Variants in OR8H2 observed in about 807,000 individuals in gnomAD.
OR8H2 encodes olfactory receptor 8H2.
For synonymous variants in OR8H2, 157 were observed against 139.2 expected (o/e 1.13, Z -0.90); for missense variants, 374 against 371.1 (o/e 1.01, Z -0.06).
Position 56,104,870 on chromosome 11 carries a change from A to C in OR8H2, c.-171-2A>C. 2.1e-6 allele frequency: 1 copy of C among 481,226 alleles called. No individual in the cohort carries two copies. The highest frequency in any genetic ancestry group is 3.6e-6 in the Non-Finnish European group (1 of 277,886). The allele number at this position is 481,226 out of a possible 1,614,324, so 29.8% of individuals were successfully genotyped here. On this transcript the variant is annotated splice_acceptor_variant, in intron 1 of 1. Transcript: ENST00000313503. LOFTEE classifies it low-confidence loss of function (5UTR_SPLICE). Reference sequence around the variant, plus strand: ...TTGTTTGTTTTTTGTTTTTTGAGTCAGAGTCTGGCACAGTCGCCAGGGCTG... The same window carrying C: ...TTGTTTGTTTTTTGTTTTTTGAGTCCGAGTCTGGCACAGTCGCCAGGGCTG...
Position 56,105,558 on chromosome 11 carries a change from C to T in OR8H2, c.516C>T (p.Asn172=), listed in dbSNP as rs763293702. The T allele has an allele frequency of 2.4e-5, 38 of 1,614,040 alleles. No homozygotes were observed. In the South Asian group the frequency reaches 4.2e-4, roughly 18 times the overall value. ...SMSRLHFYDS[N]VIHHFFCDTS... is the part of the protein sequence containing the mutation. ...GCAGATTGCATTTCTACGACTCAAA[C>T]GTAATTCATCACTTTTTCTGTGACA... The change falls in exon 2 of 2, where the codon AAC becomes AAT. Residue 172 remains asparagine (N), a synonymous_variant. Coordinates refer to ENST00000313503, the MANE Select transcript of OR8H2 (RefSeq NM_001386064.1).
Position 56,105,270 on chromosome 11 carries a change from T to G in OR8H2, c.228T>G (p.Thr76=). ...CATTTATTGACCTCAGTTACTCAAC[T>G]GTCGTCACACCTAAAACCTTAGCGA... The part of the protein sequence containing the change: ...HLSFIDLSYS[T]VVTPKTLANL... Residue 76 remains threonine (T), a synonymous_variant, in exon 2 of 2, where the codon ACT becomes ACG. Coordinates refer to ENST00000313503, the MANE Select transcript of OR8H2 (RefSeq NM_001386064.1). 6.2e-7 allele frequency: 1 copy of G among 1,614,250 alleles called. No homozygotes were observed. The highest frequency in any genetic ancestry group is 1.1e-5 in the South Asian group (1 of 91,088).
chr11:56,104,109 G>C (rs1381543630), intron 1 of OR8H2, 122 bp downstream of exon 1: 1 of 151,960 alleles, frequency 6.6e-6, no homozygotes, highest in Non-Finnish European at 1.5e-5. Flanking sequence ...TTTACCCTAA[G>C]TAATGTCAAG....
chr11:56,104,984 T>G lies in OR8H2; in HGVS notation c.-59T>G, dbSNP rs1375623198. The G allele has an allele frequency of 7.0e-7, 1 of 1,436,768 alleles. No homozygotes were observed. The highest frequency in any genetic ancestry group is 1.4e-5 in the African/African-American group (1 of 70,328). 89.0% of individuals were successfully genotyped at this position (1,436,768 alleles called of 1,614,324 possible). On this transcript the variant is annotated 5_prime_UTR_variant, in exon 2 of 2. Transcript: ENST00000313503. ...GCCTCAGCTTCTCCAGTAGCTGGGA[T>G]TACAGGCGCCCCTGCTACGTATCAG...
In OR8H2 at chr11:56,105,709, T is replaced by A. The variant is rs774831117; in HGVS notation, c.667T>A (p.Phe223Ile). 1.2e-6 allele frequency: 2 copies of A among 1,614,146 alleles called. No individual in the cohort carries two copies. Among genetic ancestry groups the A allele is most frequent in the Non-Finnish European group, 1.7e-6 (2 of 1,179,958 alleles). The change falls in exon 2 of 2, where the codon TTT (phenylalanine) becomes ATT (isoleucine). Residue 223 changes from phenylalanine to isoleucine, a missense_variant. Coordinates refer to ENST00000313503, the MANE Select transcript of OR8H2 (RefSeq NM_001386064.1). ...ATCTGCATCCTATGTGTTCATTCTCTTTACCATCCTGAAAATTAATTCCAC... is the reference window on the plus strand; with the variant it reads ...ATCTGCATCCTATGTGTTCATTCTCATTACCATCCTGAAAATTAATTCCAC... ...TISASYVFIL[F>I]TILKINSTSG...
In OR8H2 at chr11:56,105,409, T is replaced by C. The variant is rs780133182; in HGVS notation, c.367T>C (p.Tyr123His). The C allele has an allele frequency of 6.2e-7, 1 of 1,614,202 alleles. No individual in the cohort carries two copies. Reference sequence around the variant, plus strand: ...TCTCTCCTCAATGGCCCATGATCGCTATGCAGCGATCTGCAGTCCTCTACA... The same window carrying C: ...TCTCTCCTCAATGGCCCATGATCGCCATGCAGCGATCTGCAGTCCTCTACA... ...YLLSSMAHDR[Y>H]AAICSPLHYT... Residue 123 changes from tyrosine to histidine, a missense_variant, in exon 2 of 2, where the codon TAT (tyrosine) becomes CAT (histidine). Coordinates refer to ENST00000313503, the MANE Select transcript of OR8H2 (RefSeq NM_001386064.1).
In OR8H2 at chr11:56,105,960, G is replaced by T; in HGVS notation, c.918G>T (p.Gln306His). ...AAAATGCTGTCATCAGAGTCATGCAGAGAAGACAGGACTCCAGGTAATTAA... is the reference window on the plus strand; with the variant it reads ...AAAATGCTGTCATCAGAGTCATGCATAGAAGACAGGACTCCAGGTAATTAA... ...EVKNAVIRVM[Q>H]RRQDSR Residue 306 changes from glutamine to histidine, a missense_variant, in exon 2 of 2, where the codon CAG (glutamine) becomes CAT (histidine). By Grantham distance (24) the Gln-to-His change is conservative (BLOSUM62 0). Transcript: ENST00000313503. 6.4e-7 allele frequency: 1 copy of T among 1,573,412 alleles called. No individual in the cohort carries two copies.
At position 56,104,970 on chromosome 11, in the gene OR8H2, T is replaced by C. The variant is rs1046199793; in HGVS notation, c.-73T>C. 5.1e-5 allele frequency: 67 copies of C among 1,319,838 alleles called. No homozygotes were observed. Among genetic ancestry groups the C allele is most frequent in the Non-Finnish European group, 6.6e-5 (63 of 948,284 alleles). The allele number at this position is 1,319,838 out of a possible 1,614,324, so 81.8% of individuals were successfully genotyped here. On this transcript the variant is annotated 5_prime_UTR_variant, in exon 2 of 2. Coordinates refer to ENST00000313503, the MANE Select transcript of OR8H2 (RefSeq NM_001386064.1). ...CAAGCAATTCTCCTGCCTCAGCTTCTCCAGTAGCTGGGATTACAGGCGCCC... is the reference window on the plus strand; with the variant it reads ...CAAGCAATTCTCCTGCCTCAGCTTCCCCAGTAGCTGGGATTACAGGCGCCC...
chr11:56,104,036 A>G (rs1854014292), intron 1 of OR8H2, 49 bp downstream of exon 1: 1 of 152,122 alleles, frequency 6.6e-6, no homozygotes, highest in African/African-American at 2.4e-5. Context: ...ATTTTATTTC[A>G]GATGGAATAA....
chr11:56,105,912 T>A lies in OR8H2; in HGVS notation c.870T>A (p.Tyr290Ter). 1 of 1,609,270 alleles carries A rather than the reference T, an allele frequency of 6.2e-7. No individual in the cohort carries two copies. The highest frequency in any genetic ancestry group is 8.5e-7 in the Non-Finnish European group (1 of 1,177,724). ...IVIPVLNPLI[Y>*]SLRNKEVKNA... ...TTCCCGTGCTGAATCCACTCATTTA[T>A]AGTCTTAGAAACAAAGAGGTGAAAA... is the stretch of plus-strand genomic sequence containing the variant. The change falls in exon 2 of 2, where the codon TAT (tyrosine) becomes TAA (stop). Residue 290 changes from tyrosine to a stop codon, truncating the protein, a stop_gained. Transcript: ENST00000313503. LOFTEE classifies it low-confidence loss of function (END_TRUNC).
Position 56,105,282 on chromosome 11 carries a change from T to A in OR8H2, c.240T>A (p.Pro80=). 1.2e-6 allele frequency: 2 copies of A among 1,614,214 alleles called. No individual in the cohort carries two copies. The highest frequency in any genetic ancestry group is 2.2e-5 in the East Asian group (1 of 44,882). ...TCAGTTACTCAACTGTCGTCACACC[T>A]AAAACCTTAGCGAACTTACTGACTT... The part of the protein sequence containing the change: ...IDLSYSTVVT[P]KTLANLLTSN... The change falls in exon 2 of 2, where the codon CCT becomes CCA. Residue 80 remains proline, a synonymous_variant. Coordinates refer to ENST00000313503, the MANE Select transcript of OR8H2 (RefSeq NM_001386064.1).
rs61734406 is a variant in OR8H2 at position 56,105,504 on chromosome 11, A to G, written c.462A>G (p.Ile154Met). ...CTGGGCCTTATGTGATTGGCTTTAT[A>G]GACTCCTTTGTCAACGTGGTTTCCA... The part of the protein sequence containing the change: ...LITGPYVIGF[I>M]DSFVNVVSMS... Residue 154 changes from isoleucine to methionine, a missense_variant, in exon 2 of 2, where the codon ATA (isoleucine) becomes ATG (methionine). Physicochemically the swap from Ile to Met is conservative, Grantham distance 10. Coordinates refer to ENST00000313503, the MANE Select transcript of OR8H2 (RefSeq NM_001386064.1). 0.077 allele frequency: 119,500 copies of G among 1,560,260 alleles called. 4,989 individuals are homozygous for G. The highest frequency in any genetic ancestry group is 0.086 in the Non-Finnish European group (97,549 of 1,131,094).
chr11:56,104,728 C>G (rs1353939107), intron 1 of OR8H2, 144 bp from the exon 2 acceptor site: 1 of 257,674 alleles, frequency 3.9e-6, no homozygotes, highest in African/African-American at 2.2e-5. Context: ...GTACTTACAT[C>G]AATATTGGCA....
chr11:56,105,063 C>T lies in OR8H2; in HGVS notation c.21C>T (p.Asn7=). 2 of 1,613,098 alleles carry T rather than the reference C, an allele frequency of 1.2e-6. No individual in the cohort carries two copies. Among genetic ancestry groups the T allele is most frequent in the Non-Finnish European group, 8.5e-7 (1 of 1,179,406 alleles). The part of the protein sequence containing the change: MMGRRN[N]TNVADFILMG... ...TGAACATGATGGGTAGAAGGAATAA[C>T]ACAAATGTGGCTGACTTCATCCTTA... The change falls in exon 2 of 2, where the codon AAC becomes AAT. Residue 7 remains asparagine, a synonymous_variant. Coordinates refer to ENST00000313503, the MANE Select transcript of OR8H2 (RefSeq NM_001386064.1).
At position 56,107,644 on chromosome 11, in the gene OR8H2, A is replaced by C. The variant is rs1429087023; in HGVS notation, c.*1663A>C. 1.3e-5 allele frequency: 2 copies of C among 151,784 alleles called. No individual in the cohort carries two copies. The highest frequency in any genetic ancestry group is 2.4e-5 in the African/African-American group (1 of 41,416). 9.4% of individuals were successfully genotyped at this position (151,784 alleles called of 1,614,324 possible). ...AAGCAATACTTTTTTAATCTTGTGA[A>C]ATTTGTTATCTTCGTACAATTATAT... On this transcript the variant is annotated 3_prime_UTR_variant, in exon 2 of 2. Transcript: ENST00000313503.
chr11:56,106,064 C>T lies in OR8H2; in HGVS notation c.*83C>T. The stretch of plus-strand genomic sequence containing the variant: ...TATTTTCTTAGTCTCTCTATAAAAA[C>T]AATTGAATCTTTTAATTTGTTTGCA... On this transcript the variant is annotated 3_prime_UTR_variant, in exon 2 of 2. Coordinates refer to ENST00000313503, the MANE Select transcript of OR8H2 (RefSeq NM_001386064.1). 1 of 886,322 alleles carries T rather than the reference C, an allele frequency of 1.1e-6. No individual in the cohort carries two copies. The highest frequency in any genetic ancestry group is 1.8e-5 in the South Asian group (1 of 55,192). 54.9% of individuals were successfully genotyped at this position (886,322 alleles called of 1,614,324 possible).
In OR8H2 at chr11:56,105,770, C is replaced by A; in HGVS notation, c.728C>A (p.Ser243Tyr). Residue 243 changes from serine (S) to tyrosine (Y), a missense_variant, in exon 2 of 2, where the codon TCT becomes TAT. By Grantham distance (144) the Ser-to-Tyr change is moderately radical. Coordinates refer to ENST00000313503, the MANE Select transcript of OR8H2 (RefSeq NM_001386064.1). ...GKQKAFSTCV[S>Y]HLLGVTIFYS... is the part of the protein sequence containing the mutation. ...CAGAAAGCTTTCTCTACTTGCGTCT[C>A]TCATCTCTTGGGAGTCACCATCTTT... 6.2e-7 allele frequency: 1 copy of A among 1,613,956 alleles called. No homozygotes were observed. The highest frequency in any genetic ancestry group is 2.2e-5 in the East Asian group (1 of 44,866).
rs1455298307 is a variant in OR8H2, at chr11:56,105,158, C to T, written c.116C>T (p.Thr39Ile). The T allele has an allele frequency of 4.3e-6, 7 of 1,614,054 alleles. 1 individual carries two copies. Among genetic ancestry groups the T allele is most frequent in the South Asian group, 3.3e-5 (3 of 91,090 alleles). Residue 39 changes from threonine to isoleucine, a missense_variant, in exon 2 of 2, where the codon ACT (threonine) becomes ATT (isoleucine). Transcript: ENST00000313503. ...CTATTTCTCCTGATATACCTAATTACTATGCTGGGGAATGTGGGGATGATA... is the reference window on the plus strand; with the variant it reads ...CTATTTCTCCTGATATACCTAATTATTATGCTGGGGAATGTGGGGATGATA... ...FMLFLLIYLI[T>I]MLGNVGMILI...
chr11:56,104,773 T>G lies in OR8H2; in HGVS notation c.-171-99T>G, dbSNP rs12271909. 981 of 349,132 alleles carry G rather than the reference T, an allele frequency of 2.8e-3. 9 individuals carry two copies. The highest frequency in any genetic ancestry group is 0.017 in the African/African-American group (827 of 47,824). 21.6% of individuals were successfully genotyped at this position (349,132 alleles called of 1,614,324 possible). A position where few individuals can be genotyped will look rare whatever the true frequency, so the allele number is the denominator to read the frequency against. On this transcript the variant is annotated intron_variant, in intron 1 of 1. Coordinates refer to ENST00000313503, the MANE Select transcript of OR8H2 (RefSeq NM_001386064.1). ...GTTTCTTTAGTCATATTCTATAAAT[T>G]TATTAGCAACTTATAGAAGGCTAAG...
Sources: allele counts gnomAD v4.1 joint callset, GRCh38; gene constraint gnomAD v4.1.1; transcripts MANE v1.5; gene names NCBI Gene and HGNC (gene_info 2026-07-23, HGNC 2026-07-21).